SLC25A12: variants seen among roughly 807,000 people sequenced by gnomAD.
SLC25A12 encodes electrogenic aspartate/glutamate antiporter SLC25A12, mitochondrial.
A neutral mutation model predicts 83.3 loss-of-function variants in SLC25A12; 32 were observed. That is an observed-to-expected ratio of 0.38 (90% CI 0.29 to 0.52). SLC25A12 has a LOEUF of 0.52. Ranked by LOEUF, SLC25A12 falls within the 20% of genes least tolerant of loss-of-function variation. The pLI is 0.84. For missense variants in SLC25A12, 611 were observed against 835.6 expected (o/e 0.73, Z 3.31); for synonymous variants, 267 against 291.1 (o/e 0.92, Z 0.84).
chr2:171,791,547 T>C lies in SLC25A12; in HGVS notation c.1489A>G (p.Ile497Val), dbSNP rs753701440. 27 of 1,613,702 alleles carry C rather than the reference T, an allele frequency of 1.7e-5. No individual in the cohort carries two copies. The East Asian group carries it at 3.3e-4, about 20-fold the overall frequency. The part of the protein sequence containing the change: ...CFLRDIPFSA[I>V]YFPVYAHCKL... ...CAATGAGCATAAACAGGAAAATAGATTGCAGAGAAGGGAATGTCTCGGAGG... is the reference window on the plus strand; with the variant it reads ...CAATGAGCATAAACAGGAAAATAGACTGCAGAGAAGGGAATGTCTCGGAGG... The change falls in exon 15 of 18, where the codon ATC (isoleucine) becomes GTC (valine). Residue 497 changes from isoleucine to valine, a missense_variant. Physicochemically the swap from Ile to Val is conservative, Grantham distance 29 (BLOSUM62 3). This residue lies in a region of SLC25A12 where 540 missense variants were observed against 777.5 expected (regional missense o/e 0.69). Coordinates refer to ENST00000422440, the MANE Select transcript of SLC25A12 (RefSeq NM_003705.5).
chr2:171,836,443 C>G (rs1261960539), intron 6 of SLC25A12, among the ~76,000 whole-genome samples: 3 of 152,152 alleles, frequency 2.0e-5, no homozygotes, highest in African/African-American at 7.2e-5. Context: ...GCTATTGGTC[C>G]AGATGATTAC....
intron 9 of SLC25A12, among the ~76,000 whole-genome samples, chr2:171,818,647 C>T (rs1558918080): frequency 2.0e-5 from 3 of 151,764 alleles, no homozygotes; most frequent in African/African-American, 7.3e-5. Flanking sequence ...TAGTACATGC[C>T]TGTGGTCCCA....
At chr2:171,849,351 AAAAAGC>A (rs1684866435) in intron 4 of SLC25A12, among the ~76,000 whole-genome samples, 1 of 151,896 alleles carries the variant, frequency 6.6e-6, no homozygotes, top group Non-Finnish European at 1.5e-5. Flanking sequence ...GTACTAAAAA[AAAAAGC>A]AAAAAACAAA....
chr2:171,812,559 G>A (rs558485086), intron 11 of SLC25A12, among the ~76,000 whole-genome samples: 4 of 151,918 alleles, frequency 2.6e-5, no homozygotes, highest in East Asian at 3.9e-4. Flanking sequence ...ATATTCTAAT[G>A]TGAAAACACA....
chr2:171,855,343 A>G (rs1685024690), intron 4 of SLC25A12, among the ~76,000 whole-genome samples: 1 of 149,010 alleles, frequency 6.7e-6, no homozygotes, highest in South Asian at 2.2e-4. Flanking sequence ...CCTCTTTCCT[A>G]AAACTGAAAT....
intron 14 of SLC25A12, among the ~76,000 whole-genome samples, chr2:171,793,198 A>G (rs1210537427): frequency 6.6e-6 from 1 of 152,122 alleles, no homozygotes; most frequent in African/African-American, 2.4e-5. Flanking sequence ...AATCCTACCA[A>G]ACTCTACTAC....
chr2:171,811,561 T>C (rs891234225), intron 11 of SLC25A12, among the ~76,000 whole-genome samples: 1 of 152,208 alleles, frequency 6.6e-6, no homozygotes, highest in Non-Finnish European at 1.5e-5. Flanking sequence ...ATTTTGTCAA[T>C]CATCTGACAG....
intron 11 of SLC25A12, among the ~76,000 whole-genome samples, chr2:171,810,579 A>G (rs1353200732): frequency 1.3e-5 from 2 of 152,204 alleles, no homozygotes; most frequent in African/African-American, 4.8e-5. Flanking sequence ...CGTCTTCTCT[A>G]TTCTGGGAAC....
chr2:171,815,191 C>T lies in SLC25A12; in HGVS notation c.942G>A (p.Gly314=), dbSNP rs752010390. 6.2e-7 allele frequency: 1 copy of T among 1,613,282 alleles called. No homozygotes were observed. The highest frequency in any genetic ancestry group is 8.5e-7 in the Non-Finnish European group (1 of 1,179,448). Residue 314 remains glycine, a synonymous_variant, in exon 10 of 18, where the codon GGG becomes GGA. Coordinates refer to ENST00000422440, the MANE Select transcript of SLC25A12 (RefSeq NM_003705.5). Reference sequence around the variant, plus strand: ...TCTGGAGCCAGATAGGCCTGCCTAACCCAGGAGACTGCTGCAGAGAAGAAA... The same window carrying T: ...TCTGGAGCCAGATAGGCCTGCCTAATCCAGGAGACTGCTGCAGAGAAGAAA... The part of the protein sequence containing the change: ...LAELQRQQSP[G]LGRPIWLQIA...
intron 3 of SLC25A12, among the ~76,000 whole-genome samples, chr2:171,861,010 T>G (rs1032401757): frequency 6.6e-6 from 1 of 152,104 alleles, no homozygotes; most frequent in African/African-American, 2.4e-5. Context: ...GAGGATCATT[T>G]GAGCTCAGGA....
chr2:171,833,926 T>C, intron 8 of SLC25A12, 37 bp downstream of exon 8: 1 of 1,241,846 alleles, frequency 8.1e-7, no homozygotes, highest in East Asian at 2.3e-5. Flanking sequence ...AGAACTACTC[T>C]ATAATAAATA....
rs1273879194 is a variant in SLC25A12 at position 171,869,417 on chromosome 2, G to C, written c.67-594C>G. 2.6e-5 allele frequency among the ~76,000 whole-genome samples: 4 copies of C among 152,280 alleles called. No individual in the cohort carries two copies. In the East Asian group the frequency reaches 7.7e-4, roughly 29 times the overall value. ...ACTAAGAAAAGTGAAAGGGCAGCCA[G>C]GACCTGAAAGTGACTCCCAGAGGCT... is the stretch of plus-strand genomic sequence containing the variant. On this transcript the variant is annotated intron_variant, in intron 2 of 17. Transcript: ENST00000422440.
chr2:171,878,382 T>C (rs1395641331), intron 2 of SLC25A12, among the ~76,000 whole-genome samples: 1 of 147,274 alleles, frequency 6.8e-6, no homozygotes, highest in African/African-American at 2.4e-5. Context: ...TTGTAAAATA[T>C]AACTTGAAAT....
chr2:171,865,379 G>T (rs1431164064), intron 3 of SLC25A12, among the ~76,000 whole-genome samples: 1 of 151,980 alleles, frequency 6.6e-6, no homozygotes, highest in African/African-American at 2.4e-5. Context: ...AATTTTTAAA[G>T]GCTGGGCATG....
At chr2:171,839,674 C>G (rs1031875006) in intron 5 of SLC25A12, among the ~76,000 whole-genome samples, 1 of 152,090 alleles carries the variant, frequency 6.6e-6, no homozygotes, top group Non-Finnish European at 1.5e-5. Context: ...AAGATGGCAA[C>G]TATATTTTTA....
At chr2:171,819,177 T>TAC (rs1034803788) in intron 9 of SLC25A12, among the ~76,000 whole-genome samples, 5 of 136,578 alleles carry the variant, frequency 3.7e-5, no homozygotes, top group East Asian at 2.0e-4. Flanking sequence ...ACGTATTATA[T>TAC]ATGTATAATA....
intron 4 of SLC25A12, among the ~76,000 whole-genome samples, chr2:171,849,414 C>A (rs1173297885): frequency 2.0e-5 from 3 of 150,474 alleles, no homozygotes; most frequent in Non-Finnish European, 3.0e-5. Context: ...AAAAAAAAAT[C>A]AAAAAATCTT....
chr2:171,844,015 G>A (rs1684739874), intron 5 of SLC25A12, among the ~76,000 whole-genome samples: 1 of 152,098 alleles, frequency 6.6e-6, no homozygotes, highest in East Asian at 1.9e-4. Context: ...TGGATCTCCT[G>A]ACCTCGTGAT....
At chr2:171,834,381 A>G (rs1191297321) in intron 7 of SLC25A12, 14 of 427,988 alleles carry the variant, frequency 3.3e-5, no homozygotes, top group Middle Eastern at 1.3e-3. Flanking sequence ...GGTGTTCTCC[A>G]GTCATTCAAA....
Sources: gnomAD v4.1 joint callset for allele counts (sites outside exome capture counted in the v4.1 genomes callset) on GRCh38, gnomAD v4.1.1 for gene constraint, gnomAD v4.1.1 regional missense constraint, MANE v1.5 for transcripts, NCBI Gene and HGNC (gene_info 2026-07-23, HGNC 2026-07-21) for gene names.